Variants in CRPPA observed in about 807,000 individuals in gnomAD.
CRPPA encodes CDP-L-ribitol pyrophosphorylase A, also known as D-ribitol-5-phosphate cytidylyltransferase.
A neutral mutation model predicts 52.0 loss-of-function variants in CRPPA; 43 were observed. The observed-to-expected ratio is 0.83, with a 90% CI of 0.65 to 1.07. The LOEUF (loss-of-function observed/expected upper bound fraction) is 1.07, where lower values mean the gene tolerates loss of function less well. Among genes scored for constraint, CRPPA ranks in the 50% least tolerant of loss-of-function variants. CRPPA has a pLI of 0.00. For missense variants in CRPPA, 629 were observed against 551.7 expected (o/e 1.14, Z -1.40); for synonymous variants, 250 against 203.5 (o/e 1.23, Z -1.94).
At chr7:16,318,586 G>T (rs1282399470) in intron 3 of CRPPA, among the ~76,000 whole-genome samples, 1 of 152,144 alleles carries the variant, frequency 6.6e-6, no homozygotes. Flanking sequence ...CATGGCTGAG[G>T]TAACTCTGCT....
Position 16,107,166 on chromosome 7 carries a change from G to A in CRPPA, c.1252-15367C>T, listed in dbSNP as rs142582629. Among the ~76,000 whole-genome samples, 266 of 152,014 alleles carry A rather than the reference G, an allele frequency of 1.7e-3. No homozygotes were observed. The East Asian group carries it at 0.027, about 16-fold the overall frequency. On this transcript the variant is annotated intron_variant, in intron 9 of 9. Transcript: ENST00000407010. ...ATTCACATAATGGGGAACTGCAGAC[G>A]GAATAGAAAGCAGAAGGGCCAAAAA...
intron 9 of CRPPA, among the ~76,000 whole-genome samples, chr7:16,138,334 C>A (rs1402230057): frequency 1.3e-5 from 2 of 152,244 alleles, no homozygotes; most frequent in East Asian, 3.9e-4. Context: ...GGCAAAGGTA[C>A]TACATCTCAA....
chr7:16,214,041 A>G (rs1459977577), intron 9 of CRPPA, among the ~76,000 whole-genome samples: 1 of 152,200 alleles, frequency 6.6e-6, no homozygotes, highest in Non-Finnish European at 1.5e-5. Flanking sequence ...TAAATGGCCA[A>G]GCCAATAATA....
chr7:16,194,336 C>T (rs935264988), intron 9 of CRPPA, among the ~76,000 whole-genome samples: 2 of 152,146 alleles, frequency 1.3e-5, no homozygotes, highest in African/African-American at 4.8e-5. Flanking sequence ...GACCTGAAAC[C>T]TACTCTGCTT....
chr7:16,109,137 A>G (rs1341454617), intron 9 of CRPPA, among the ~76,000 whole-genome samples: 1 of 151,828 alleles, frequency 6.6e-6, no homozygotes, highest in African/African-American at 2.4e-5. Flanking sequence ...AAATAAAACT[A>G]AGAGTTGGTC....
At chr7:16,346,318 TA>T (rs1381531486) in intron 3 of CRPPA, among the ~76,000 whole-genome samples, 2 of 151,918 alleles carry the variant, frequency 1.3e-5, no homozygotes, top group East Asian at 3.9e-4. Context: ...AGAAAAGAAA[TA>T]AGAGGAATAA....
At chr7:16,154,884 C>T (rs1470231218) in intron 9 of CRPPA, among the ~76,000 whole-genome samples, 2 of 151,218 alleles carry the variant, frequency 1.3e-5, no homozygotes, top group Non-Finnish European at 2.9e-5. Context: ...CTCGACTCAC[C>T]ACAACCTCTG....
At chr7:16,194,438 T>C (rs1040033338) in intron 9 of CRPPA, among the ~76,000 whole-genome samples, 1 of 152,102 alleles carries the variant, frequency 6.6e-6, no homozygotes, top group Non-Finnish European at 1.5e-5. Context: ...CCTTTGTCTC[T>C]TAACTGTCCC....
At chr7:16,391,724 G>T (rs1389803864) in intron 2 of CRPPA, among the ~76,000 whole-genome samples, 1 of 152,108 alleles carries the variant, frequency 6.6e-6, no homozygotes, top group Non-Finnish European at 1.5e-5. Flanking sequence ...TTATTGGACA[G>T]CAGTGCCCTA....
chr7:16,118,202 C>T (rs955268365), intron 9 of CRPPA, among the ~76,000 whole-genome samples: 3 of 152,172 alleles, frequency 2.0e-5, no homozygotes, highest in African/African-American at 7.2e-5. Context: ...ATTTTGGGCG[C>T]ACCACCCAAG....
intron 3 of CRPPA, among the ~76,000 whole-genome samples, chr7:16,371,075 G>A (rs566297994): frequency 1.3e-5 from 2 of 152,256 alleles, no homozygotes; most frequent in South Asian, 4.1e-4. Context: ...CCTGGCAGGG[G>A]AGCTGAGGTA....
intron 9 of CRPPA, among the ~76,000 whole-genome samples, chr7:16,145,515 G>C (rs1184671257): frequency 2.0e-5 from 3 of 151,942 alleles, no homozygotes; most frequent in Non-Finnish European, 4.4e-5. Context: ...TGAATGACTT[G>C]ACAAAGAATT....
At chr7:16,104,393 T>A (rs1017511356) in intron 9 of CRPPA, among the ~76,000 whole-genome samples, 3 of 152,216 alleles carry the variant, frequency 2.0e-5, no homozygotes, top group Non-Finnish European at 2.9e-5. Context: ...GATGAAGTCA[T>A]TCTCCAGGTG....
Position 16,091,689 on chromosome 7 carries a change from T to G in CRPPA, c.*6A>C. ...GTTTTAGAAAATAGGTAATTTTTTGTGTTCTTCATGCTATCAGAAGCTGAC... is the reference window on the plus strand; with the variant it reads ...GTTTTAGAAAATAGGTAATTTTTTGGGTTCTTCATGCTATCAGAAGCTGAC... On this transcript the variant is annotated 3_prime_UTR_variant, in exon 10 of 10. Transcript: ENST00000407010. The G allele has an allele frequency of 6.7e-7, 1 of 1,494,786 alleles. No individual in the cohort carries two copies. The highest frequency in any genetic ancestry group is 9.1e-7 in the Non-Finnish European group (1 of 1,100,794). The allele number at this position is 1,494,786 out of a possible 1,614,324, so 92.6% of individuals were successfully genotyped here.
intron 4 of CRPPA, among the ~76,000 whole-genome samples, chr7:16,303,820 G>A (rs1784847003): frequency 6.6e-6 from 1 of 152,088 alleles, no homozygotes; most frequent in Non-Finnish European, 1.5e-5. Context: ...TTAAACAGAT[G>A]CTGAAATACT....
chr7:16,285,350 G>C (rs1455942008), intron 5 of CRPPA, among the ~76,000 whole-genome samples: 2 of 151,972 alleles, frequency 1.3e-5, no homozygotes, highest in Non-Finnish European at 2.9e-5. Flanking sequence ...CTGTCAACTT[G>C]ACTGATATTA....
intron 6 of CRPPA, 54 bp from the exon 7 acceptor site, chr7:16,259,066 A>G (rs1783724432): frequency 1.6e-6 from 2 of 1,246,422 alleles, no homozygotes; most frequent in Non-Finnish European, 2.3e-6. Flanking sequence ...AAACATAAAC[A>G]TCTTTGTTAC....
At position 16,308,510 on chromosome 7, in the gene CRPPA, T is replaced by G. The variant is rs773343225; in HGVS notation, c.789+13A>C. On this transcript the variant is annotated intron_variant, in intron 4 of 9. Transcript: ENST00000407010. Reference sequence around the variant, plus strand: ...CACAGAAAAGAACCCAAGCAAGGTATCATCCCTCTTACCTTCCAGAGGTCA... The same window carrying G: ...CACAGAAAAGAACCCAAGCAAGGTAGCATCCCTCTTACCTTCCAGAGGTCA... The G allele has an allele frequency of 2.6e-5, 38 of 1,437,716 alleles. No individual in the cohort carries two copies. Among genetic ancestry groups the G allele is most frequent in the Non-Finnish European group, 3.5e-5 (36 of 1,025,134 alleles). 89.1% of individuals were successfully genotyped at this position (1,437,716 alleles called of 1,614,324 possible).
Position 16,195,993 on chromosome 7 carries a change from A to G in CRPPA, c.1251+20073T>C, listed in dbSNP as rs1781724921. On this transcript the variant is annotated intron_variant, in intron 9 of 9. Coordinates refer to ENST00000407010, the MANE Select transcript of CRPPA (RefSeq NM_001101426.4). ...CATAAAATAATCTGGAGATTAATAG[A>G]AACAAGTTTGCTTCTTAGGATAAAG... 2.0e-5 allele frequency among the ~76,000 whole-genome samples: 3 copies of G among 152,200 alleles called. No individual in the cohort carries two copies. In the South Asian group the frequency reaches 6.2e-4, roughly 32 times the overall value.
Sources: gnomAD v4.1 joint callset for allele counts (sites outside exome capture counted in the v4.1 genomes callset) on GRCh38, gnomAD v4.1.1 for gene constraint, MANE v1.5 for transcripts, NCBI Gene and HGNC (gene_info 2026-07-23, HGNC 2026-07-21) for gene names.